HYDIN: variants seen among roughly 807,000 people sequenced by gnomAD.
The protein encoded by HYDIN is axonemal central pair apparatus protein HYDIN.
Under a neutral mutation model 403.9 loss-of-function variants are expected in HYDIN, and 132 were observed. That is an observed-to-expected ratio of 0.33 (90% CI 0.28 to 0.38). The LOEUF is 0.38. Among genes scored for constraint, HYDIN ranks in the 10% least tolerant of loss-of-function variants. HYDIN has a pLI of 1.00. For synonymous variants in HYDIN, 1,202 were observed against 1,891.7 expected (o/e 0.64, Z 9.46); for missense variants, 2,827 against 5,009.5 (o/e 0.56, Z 13.15).
At chr16:70,901,281 G>A in intron 52 of HYDIN, 79 bp from the exon 53 acceptor site, 1 of 994,706 alleles carries the variant, frequency 1.0e-6, no homozygotes, top group Non-Finnish European at 1.5e-6. Flanking sequence ...TTTTGTTTTA[G>A]GTTCAGGGGT....
rs182114562 is a variant in HYDIN at position 70,807,014 on chromosome 16, G to A, written c.*566C>T. Among the ~76,000 whole-genome samples the A allele has an allele frequency of 4.6e-5, 7 of 152,298 alleles. No homozygotes were observed. The highest frequency in any genetic ancestry group is 1.0e-4 in the Non-Finnish European group (7 of 68,032). ...TGAGAACTTTCTGTGTAGGGCAGAT[G>A]TGGGATTCGGACACTGATGGTATAA... On this transcript the variant is annotated 3_prime_UTR_variant, in exon 86 of 86. Coordinates refer to ENST00000393567, the MANE Select transcript of HYDIN (RefSeq NM_001270974.2).
chr16:70,881,112 G>T (rs368872575), intron 60 of HYDIN, among the ~76,000 whole-genome samples: 1,402 of 138,282 alleles, frequency 0.01, 36 homozygotes, highest in African/African-American at 0.044. Context: ...TGTAGTCCCA[G>T]CTACTCAGGA....
chr16:71,158,767 G>A (rs755955666), intron 6 of HYDIN, among the ~76,000 whole-genome samples: 9 of 146,342 alleles, frequency 6.1e-5, no homozygotes, highest in Admixed American at 1.4e-4. Context: ...CTGCAACCTC[G>A]AGCTCCTGGG....
In HYDIN at chr16:71,062,226, A is replaced by G. The variant is rs1023448649; in HGVS notation, c.2319T>C (p.Thr773=). 1 of 1,511,954 alleles carries G rather than the reference A, an allele frequency of 6.6e-7. No homozygotes were observed. Among genetic ancestry groups the G allele is most frequent in the African/African-American group, 1.4e-5 (1 of 73,320 alleles). The allele number at this position is 1,511,954 out of a possible 1,614,324, so 93.7% of individuals were successfully genotyped here. ...TGTAAACCGTGGATCTGTGTTCTCCAGTGACCTGGGTCTCCAGGACCAGTG... is the reference window on the plus strand; with the variant it reads ...TGTAAACCGTGGATCTGTGTTCTCCGGTGACCTGGGTCTCCAGGACCAGTG... ...HIPLVLETQV[T]GEHRSTVYIS... The change falls in exon 17 of 86, where the codon ACT becomes ACC. Residue 773 remains threonine, a synonymous_variant. Coordinates refer to ENST00000393567, the MANE Select transcript of HYDIN (RefSeq NM_001270974.2).
chr16:70,810,819 G>A (rs1031176388), intron 84 of HYDIN, among the ~76,000 whole-genome samples: 3 of 151,660 alleles, frequency 2.0e-5, no homozygotes, highest in African/African-American at 4.9e-5. Context: ...GCAACAGAGT[G>A]AGACTCCGTC....
At chr16:70,862,341 C>G (rs930794563) in intron 68 of HYDIN, 86 bp from the exon 69 acceptor site, 1 of 719,648 alleles carries the variant, frequency 1.4e-6, no homozygotes, top group Non-Finnish European at 2.3e-6. Context: ...CCTTAGGGGC[C>G]CTCTGCGGAT....
chr16:70,990,799 C>G (rs1359041712), intron 25 of HYDIN, among the ~76,000 whole-genome samples: 1 of 152,192 alleles, frequency 6.6e-6, no homozygotes, highest in East Asian at 1.9e-4. Context: ...TTTTGATCTA[C>G]TTGCAAAGTT....
chr16:70,948,392 C>G (rs1478817547), intron 41 of HYDIN, among the ~76,000 whole-genome samples: 1 of 152,014 alleles, frequency 6.6e-6, no homozygotes, highest in Non-Finnish European at 1.5e-5. Flanking sequence ...AGGACATAGG[C>G]ATGGGCAAGG....
chr16:70,831,219 G>C (rs2036959344), intron 80 of HYDIN, among the ~76,000 whole-genome samples: 3 of 151,768 alleles, frequency 2.0e-5, no homozygotes, highest in South Asian at 2.1e-4. Flanking sequence ...ATGTTAAGAA[G>C]AATCAGAAGG....
intron 68 of HYDIN, 100 bp downstream of exon 68, chr16:70,862,985 C>G: frequency 2.8e-6 from 2 of 718,900 alleles, no homozygotes; most frequent in East Asian, 5.5e-5. Flanking sequence ...TCTTTAGCTA[C>G]TTAGGAGACC....
At chr16:71,191,738 CT>C (rs1249740970) in intron 1 of HYDIN, among the ~76,000 whole-genome samples, 1 of 152,128 alleles carries the variant, frequency 6.6e-6, no homozygotes, top group Non-Finnish European at 1.5e-5. Flanking sequence ...ACTCAGATCT[CT>C]TCTGATTTCC....
At position 70,857,884 on chromosome 16, in the gene HYDIN, T is replaced by C. The variant is rs375063220; in HGVS notation, c.12130-14A>G. 5 of 1,612,458 alleles carry C rather than the reference T, an allele frequency of 3.1e-6. No individual in the cohort carries two copies. The highest frequency in any genetic ancestry group is 1.3e-5 in the African/African-American group (1 of 74,764). ...CTGGAACACGATCTAACAAGACAAT[T>C]TGGAACAGAGTGGTAAAAGACACTT... On this transcript the variant is annotated splice_polypyrimidine_tract_variant and intron_variant, in intron 71 of 85. Coordinates refer to ENST00000393567, the MANE Select transcript of HYDIN (RefSeq NM_001270974.2).
intron 35 of HYDIN, among the ~76,000 whole-genome samples, 166 bp from the exon 36 acceptor site, chr16:70,970,925 G>A (rs1188818671): frequency 6.6e-6 from 1 of 152,186 alleles, no homozygotes; most frequent in Non-Finnish European, 1.5e-5. Context: ...CATAAGTACT[G>A]GGTATTTAGC....
At position 70,958,243 on chromosome 16, in the gene HYDIN, G is replaced by A. The variant is rs563004536; in HGVS notation, c.6142+1404C>T. On this transcript the variant is annotated intron_variant, in intron 39 of 85. Transcript: ENST00000393567. Reference sequence around the variant, plus strand: ...TTCTAACTTCACCATAAACAAAAGGGGAAAAATAACTTATATTGATCAGTC... The same window carrying A: ...TTCTAACTTCACCATAAACAAAAGGAGAAAAATAACTTATATTGATCAGTC... Among the ~76,000 whole-genome samples the A allele has an allele frequency of 3.6e-3, 538 of 151,498 alleles. 3 individuals are homozygous for A. The highest frequency in any genetic ancestry group is 0.012 in the African/African-American group (517 of 41,362).
chr16:71,089,285 A>G, intron 11 of HYDIN, among the ~76,000 whole-genome samples: 1 of 152,180 alleles, frequency 6.6e-6, no homozygotes, highest in Non-Finnish European at 1.5e-5. Flanking sequence ...GGCAGGCCTC[A>G]GTCTACTGTC....
At chr16:70,984,786 G>C (rs1597471238) in intron 28 of HYDIN, among the ~76,000 whole-genome samples, 1 of 149,212 alleles carries the variant, frequency 6.7e-6, no homozygotes, top group Non-Finnish European at 1.5e-5. Context: ...CACTTTCTCT[G>C]TTTGCTTCTG....
chr16:71,040,571 G>T (rs1260889128), intron 18 of HYDIN, among the ~76,000 whole-genome samples: 1 of 126,780 alleles, frequency 7.9e-6, no homozygotes, highest in Non-Finnish European at 1.6e-5. Flanking sequence ...TCCATACGTG[G>T]ACTCACTTTT....
intron 13 of HYDIN, among the ~76,000 whole-genome samples, chr16:71,070,169 C>T (rs530397320): frequency 6.6e-6 from 1 of 152,168 alleles, no homozygotes; most frequent in African/African-American, 2.4e-5. Flanking sequence ...AGCTTTGTTC[C>T]GTGAGACTCC....
intron 66 of HYDIN, 87 bp downstream of exon 66, chr16:70,868,483 G>T: frequency 1.4e-6 from 2 of 1,475,190 alleles, no homozygotes; most frequent in Non-Finnish European, 1.8e-6. Context: ...TTTTTACTGT[G>T]AAAAAAGGAA....
Sources: gnomAD v4.1 joint callset for allele counts (sites outside exome capture counted in the v4.1 genomes callset) on GRCh38, gnomAD v4.1.1 for gene constraint, MANE v1.5 for transcripts, NCBI Gene and HGNC (gene_info 2026-07-23, HGNC 2026-07-21) for gene names.